Variants in CCDC171 observed in about 807,000 individuals in gnomAD.
CCDC171 encodes the protein coiled-coil domain-containing protein 171.
CCDC171 carries 177 observed loss-of-function variants against 168.2 expected under a neutral mutation model. The observed-to-expected ratio is 1.05, with a 90% CI of 0.93 to 1.19. CCDC171 has a LOEUF of 1.19. Ranked by LOEUF, CCDC171 falls within the 50% of genes most tolerant of loss-of-function variation. The pLI is 0.00. For missense variants in CCDC171, 1,991 were observed against 1,539.0 expected, an observed-to-expected ratio of 1.29 and a Z score of -4.91; for synonymous variants, 687 against 540.8, an observed-to-expected ratio of 1.27 and a Z score of -3.75.
intron 25 of CCDC171, among the ~76,000 whole-genome samples, chr9:15,955,264 C>G (rs940803719): frequency 6.6e-6 from 1 of 152,066 alleles, no homozygotes; most frequent in Non-Finnish European, 1.5e-5. Flanking sequence ...TTCTTAATGT[C>G]TGGTCCCAAA....
chr9:16,103,301 G>T, the CCDC171 span, among the ~76,000 whole-genome samples: 2 of 152,202 alleles, frequency 1.3e-5, no homozygotes, highest in African/African-American at 4.8e-5. Flanking sequence ...GTGGGCAAGG[G>T]ATGGGCCTGG....
At chr9:16,048,909 C>T (rs903167116) in intron 1 of CCDC171, among the ~76,000 whole-genome samples, 68 of 138,320 alleles carry the variant, frequency 4.9e-4, no homozygotes, top group African/African-American at 1.6e-3. Context: ...GGCTGAGAGA[C>T]AGAAGTGATG....
chr9:15,890,002 T>A (rs962640934), intron 24 of CCDC171, among the ~76,000 whole-genome samples: 1 of 152,156 alleles, frequency 6.6e-6, no homozygotes, highest in Non-Finnish European at 1.5e-5. Context: ...CACTTAATAG[T>A]ATTTAGAGAC....
chr9:16,088,399 G>C, the CCDC171 span, among the ~76,000 whole-genome samples: 1 of 152,166 alleles, frequency 6.6e-6, no homozygotes, highest in Non-Finnish European at 1.5e-5. Context: ...AGAAATAAAT[G>C]TATTCAGATA....
chr9:15,623,866 G>T (rs2132093156), intron 7 of CCDC171, among the ~76,000 whole-genome samples: 1 of 152,270 alleles, frequency 6.6e-6, no homozygotes, highest in East Asian at 1.9e-4. Context: ...ACTTGGGAAA[G>T]GAGCATCAAT....
At chr9:15,849,727 A>G (rs1243456324) in intron 23 of CCDC171, among the ~76,000 whole-genome samples, 3 of 151,808 alleles carry the variant, frequency 2.0e-5, no homozygotes, top group Non-Finnish European at 2.9e-5. Flanking sequence ...CATGGAATTT[A>G]TGAATGAATC....
At chr9:15,961,299 G>A (rs1185952790) in intron 25 of CCDC171, among the ~76,000 whole-genome samples, 2 of 152,112 alleles carry the variant, frequency 1.3e-5, no homozygotes, top group Non-Finnish European at 2.9e-5. Context: ...ACTTTAAGAG[G>A]AAATTCTTCA....
At chr9:15,807,785 C>T (rs991579899) in intron 21 of CCDC171, among the ~76,000 whole-genome samples, 1 of 151,570 alleles carries the variant, frequency 6.6e-6, no homozygotes, top group Non-Finnish European at 1.5e-5. Context: ...TACCTTTTAG[C>T]TATCTCAGGC....
chr9:15,860,955 T>TGTGTGTGTGTGTGTGTGTGA (rs2130970867), intron 23 of CCDC171, among the ~76,000 whole-genome samples: 1 of 151,768 alleles, frequency 6.6e-6, no homozygotes, highest in East Asian at 1.9e-4. Context: ...TGTGTGTGTG[T>TGTGTGTGTGTGTGTGTGTGA]GTGTGTGATA....
In CCDC171 at chr9:15,657,113, T is replaced by G. The variant is rs760777286; in HGVS notation, c.823-14T>G. On this transcript the variant is annotated splice_polypyrimidine_tract_variant and intron_variant, in intron 7 of 25. Coordinates refer to ENST00000380701, the MANE Select transcript of CCDC171 (RefSeq NM_173550.4). Reference sequence around the variant, plus strand: ...ACCAATGTTTATGAATTTAAACTTTTAATTTGTTTTCAGGCAACTACTCTA... The same window carrying G: ...ACCAATGTTTATGAATTTAAACTTTGAATTTGTTTTCAGGCAACTACTCTA... 1 of 1,496,866 alleles carries G rather than the reference T, an allele frequency of 6.7e-7. No individual in the cohort carries two copies. The highest frequency in any genetic ancestry group is 1.9e-5 in the Admixed American group (1 of 52,376). 92.7% of individuals were successfully genotyped at this position (1,496,866 alleles called of 1,614,324 possible).
At chr9:15,933,244 G>GT (rs1826736092) in intron 25 of CCDC171, among the ~76,000 whole-genome samples, 2 of 151,852 alleles carry the variant, frequency 1.3e-5, no homozygotes, top group Non-Finnish European at 2.9e-5. Context: ...GATGGAAGAT[G>GT]TTTAATTAAG....
intron 11 of CCDC171, among the ~76,000 whole-genome samples, chr9:15,709,102 T>TTAGAAGC (rs2052464628): frequency 6.6e-6 from 1 of 152,116 alleles, no homozygotes; most frequent in African/African-American, 2.4e-5. Context: ...GGAATAAAAT[T>TTAGAAGC]TAGAAGCTAT....
At chr9:15,951,324 T>C (rs570021048) in intron 25 of CCDC171, among the ~76,000 whole-genome samples, 15 of 151,898 alleles carry the variant, frequency 9.9e-5, no homozygotes, top group African/African-American at 3.6e-4. Flanking sequence ...AATATACATT[T>C]TTTTCAGCAC....
At chr9:15,665,832 A>G (rs2048695684) in intron 8 of CCDC171, among the ~76,000 whole-genome samples, 1 of 152,170 alleles carries the variant, frequency 6.6e-6, no homozygotes, top group Non-Finnish European at 1.5e-5. Flanking sequence ...AAGTATCTGA[A>G]TGGATTAGTA....
chr9:15,649,946 A>C (rs2047373294), intron 7 of CCDC171, among the ~76,000 whole-genome samples: 1 of 152,178 alleles, frequency 6.6e-6, no homozygotes, highest in African/African-American at 2.4e-5. Context: ...AGACACAGGC[A>C]CACGTATGTT....
chr9:15,635,790 G>A (rs1271938223), intron 7 of CCDC171, among the ~76,000 whole-genome samples: 2 of 152,144 alleles, frequency 1.3e-5, no homozygotes, highest in Admixed American at 6.5e-5. Flanking sequence ...GTTTTCAGTT[G>A]TCTTTATGAT....
At chr9:15,782,360 C>T (rs10810446) in intron 20 of CCDC171, among the ~76,000 whole-genome samples, 2 of 151,900 alleles carry the variant, frequency 1.3e-5, no homozygotes, top group Admixed American at 6.6e-5. Flanking sequence ...CACACCATCT[C>T]TTTCTTATTC....
chr9:15,595,601 A>G (rs575659347), intron 6 of CCDC171, among the ~76,000 whole-genome samples: 1 of 152,332 alleles, frequency 6.6e-6, no homozygotes, highest in East Asian at 1.9e-4. Flanking sequence ...TAGTGCCTCA[A>G]GAAACATACA....
At chr9:15,947,335 C>G (rs969556269) in intron 25 of CCDC171, among the ~76,000 whole-genome samples, 1 of 151,784 alleles carries the variant, frequency 6.6e-6, no homozygotes, top group Non-Finnish European at 1.5e-5. Flanking sequence ...ACTTGTATAC[C>G]CATTAAACAG....
Sources: allele counts gnomAD v4.1 joint callset (sites outside exome capture counted in the v4.1 genomes callset), GRCh38; gene constraint gnomAD v4.1.1; transcripts MANE v1.5; gene names NCBI Gene and HGNC (gene_info 2026-07-23, HGNC 2026-07-21).